The following SF3B1 variants were observed in gnomAD, a reference collection of about 807,000 sequenced individuals.
SF3B1 encodes pre-mRNA processing 10.
SF3B1 carries 12 observed loss-of-function variants against 153.8 expected under a neutral mutation model. The ratio of observed to expected loss-of-function variants is 0.08; its 90% confidence interval spans 0.05 to 0.13. The LOEUF is 0.13. SF3B1 is among the 10% of genes least tolerant of loss of function. The probability of loss-of-function intolerance (pLI) is 1.00; values close to 1 mark genes in which losing one functional copy is unlikely to be tolerated. For synonymous variants in SF3B1, 498 were observed against 525.2 expected (o/e 0.95, Z 0.71); for missense variants, 513 against 1,606.1 (o/e 0.32, Z 11.63).
Position 197,401,357 on chromosome 2 carries a change from T to G in SF3B1, c.2496+43A>C. ...GCATTCAAGTTGACTAAAGAATGAG[T>G]TGAAAGGACTTTTGAGAATATTCTT... On this transcript the variant is annotated intron_variant, in intron 17 of 24. Transcript: ENST00000335508. The surrounding 1 kb of genome is among the most constrained non-coding windows in gnomAD (Gnocchi z 4.2). 6.4e-7 allele frequency: 1 copy of G among 1,553,968 alleles called. No homozygotes were observed. The highest frequency in any genetic ancestry group is 8.7e-7 in the Non-Finnish European group (1 of 1,151,034).
rs16865260 is a variant in SF3B1, at chr2:197,397,864, T to C, written c.3266+121A>G. 1,160 of 605,774 alleles carry C rather than the reference T, an allele frequency of 1.9e-3. 12 individuals carry two copies. Among genetic ancestry groups the C allele is most frequent in the African/African-American group, 0.018 (969 of 52,764 alleles). The allele number at this position is 605,774 out of a possible 1,614,324, so 37.5% of individuals were successfully genotyped here. On this transcript the variant is annotated intron_variant, in intron 22 of 24. Transcript: ENST00000335508. ...GAAGGTCAGTGGTTAAATGAAGAGC[T>C]TTCTCAACTGCATTATTCAGACCAT...
At chr2:197,421,744 C>T (rs986282919) in intron 2 of SF3B1, among the ~76,000 whole-genome samples, 3 of 151,942 alleles carry the variant, frequency 2.0e-5, no homozygotes, top group South Asian at 2.1e-4. Context: ...TTTGGGAGGC[C>T]GAGGCAAGGG....
intron 24 of SF3B1, 102 bp from the exon 25 acceptor site, chr2:197,392,563 G>T: frequency 9.0e-6 from 2 of 221,322 alleles, no homozygotes; most frequent in South Asian, 3.6e-5. Context: ...TATTTCCCTT[G>T]GGGAGTTGGG....
intron 6 of SF3B1, 98 bp downstream of exon 6, chr2:197,416,643 G>C: frequency 9.7e-7 from 1 of 1,026,086 alleles, no homozygotes; most frequent in Non-Finnish European, 1.4e-6. Flanking sequence ...AAGGCACCCA[G>C]TCTGTGGTAT....
intron 12 of SF3B1, 37 bp from the exon 13 acceptor site, chr2:197,403,072 A>G: frequency 1.4e-6 from 2 of 1,379,766 alleles, no homozygotes; most frequent in South Asian, 1.2e-5. Context: ...ACACTTTCAC[A>G]TCAATTACTG....
In SF3B1 at chr2:197,420,556, T is replaced by C. The variant is rs1481559742; in HGVS notation, c.301-14A>G. ...AAATGGATCATACTGAAAAGAGGTA[T>C]GTCTCACTTAATATCCACTTTATTA... is the stretch of plus-strand genomic sequence containing the variant. On this transcript the variant is annotated splice_polypyrimidine_tract_variant and intron_variant, in intron 3 of 24. Transcript: ENST00000335508. 2 of 1,511,750 alleles carry C rather than the reference T, an allele frequency of 1.3e-6. No homozygotes were observed. Among genetic ancestry groups the C allele is most frequent in the East Asian group, 2.3e-5 (1 of 44,098 alleles). 93.6% of individuals were successfully genotyped at this position (1,511,750 alleles called of 1,614,324 possible).
At chr2:197,403,157 G>A (rs367601419) in intron 12 of SF3B1, 122 bp from the exon 13 acceptor site, 12 of 738,518 alleles carry the variant, frequency 1.6e-5, no homozygotes, top group East Asian at 5.4e-5. Flanking sequence ...ATCAAGGGAC[G>A]AACTGTTTAA....
At chr2:197,411,509 T>C (rs2085067321) in intron 6 of SF3B1, among the ~76,000 whole-genome samples, 2 of 151,638 alleles carry the variant, frequency 1.3e-5, no homozygotes, top group Admixed American at 1.3e-4. Flanking sequence ...CCGTCTCTAC[T>C]AATACAAAAA....
chr2:197,427,036 A>G (rs1214257413), intron 1 of SF3B1, among the ~76,000 whole-genome samples: 1 of 152,208 alleles, frequency 6.6e-6, no homozygotes, highest in African/African-American at 2.4e-5. Flanking sequence ...TCTGGAACTA[A>G]TTTCAGCTAC....
chr2:197,421,005 T>G (rs1250574383), intron 3 of SF3B1, 24 bp downstream of exon 3: 1 of 1,445,656 alleles, frequency 6.9e-7, no homozygotes, highest in East Asian at 2.3e-5. Context: ...CTGAATAAAC[T>G]ATGCTTTTAA....
chr2:197,412,178 C>T (rs1054543215), intron 6 of SF3B1, among the ~76,000 whole-genome samples: 6 of 150,570 alleles, frequency 4.0e-5, no homozygotes, highest in Admixed American at 1.3e-4. Context: ...AAATAAAGCA[C>T]ACAAATTGTT....
intron 6 of SF3B1, among the ~76,000 whole-genome samples, chr2:197,412,341 A>AATTT (rs138215794): frequency 0.4 from 58,924 of 145,562 alleles, 12,301 homozygotes; most frequent in South Asian, 0.58. Context: ...TCTCTGATTT[A>AATTT]ATTTATTTAT....
At chr2:197,430,601 G>A (rs181201686) in intron 1 of SF3B1, among the ~76,000 whole-genome samples, 4 of 152,198 alleles carry the variant, frequency 2.6e-5, no homozygotes, top group Admixed American at 6.5e-5. Flanking sequence ...TTACAGGCAC[G>A]CACCACCAAA....
In SF3B1 at chr2:197,416,831, A is replaced by C; in HGVS notation, c.576T>G (p.Pro192=). The C allele has an allele frequency of 6.2e-7, 1 of 1,614,116 alleles. No individual in the cohort carries two copies. Among genetic ancestry groups the C allele is most frequent in the Non-Finnish European group, 8.5e-7 (1 of 1,180,004 alleles). The change falls in exon 6 of 25, where the codon CCT becomes CCG. Residue 192 remains proline, a synonymous_variant. Transcript: ENST00000335508. ...CCCAACGCCGTTTTCGTTTTGATGG[A>C]GGCTGGGACGCTGCTGCTCCATTGA... ...KVVNGAAASQ[P]PSKRKRRWDQ...
intron 9 of SF3B1, 67 bp from the exon 10 acceptor site, chr2:197,405,539 G>A (rs2084980542): frequency 9.0e-7 from 1 of 1,113,142 alleles, no homozygotes; most frequent in Non-Finnish European, 1.3e-6. Flanking sequence ...AACAATATTT[G>A]CACTTAAAAT....
chr2:197,427,522 T>C lies in SF3B1; in HGVS notation c.29-3548A>G, dbSNP rs527362792. Among the ~76,000 whole-genome samples, 5 of 152,124 alleles carry C rather than the reference T, an allele frequency of 3.3e-5. No individual in the cohort carries two copies. The South Asian group carries it at 1.0e-3, about 31-fold the overall frequency. On this transcript the variant is annotated intron_variant, in intron 1 of 24. Coordinates refer to ENST00000335508, the MANE Select transcript of SF3B1 (RefSeq NM_012433.4). Reference sequence around the variant, plus strand: ...AAACTATGTGCTAAAATACCAAATATAACATACCCAAATATTTATGAGCAA... The same window carrying C: ...AAACTATGTGCTAAAATACCAAATACAACATACCCAAATATTTATGAGCAA...
chr2:197,428,018 A>AAATTAATTAATT (rs113443979), intron 1 of SF3B1, among the ~76,000 whole-genome samples: 97 of 151,482 alleles, frequency 6.4e-4, no homozygotes, highest in African/African-American at 1.9e-3. Flanking sequence ...ACTCCGTCTC[A>AAATTAATTAATT]AATTAATTAA....
rs941944240 is a variant in SF3B1 at position 197,403,741 on chromosome 2, A to G, written c.1563T>C (p.Asp521=). The G allele has an allele frequency of 1.9e-6, 3 of 1,592,612 alleles. No homozygotes were observed. Among genetic ancestry groups the G allele is most frequent in the Non-Finnish European group, 2.6e-6 (3 of 1,173,318 alleles). The change falls in exon 12 of 25, where the codon GAT becomes GAC. Residue 521 remains aspartate, a synonymous_variant. Coordinates refer to ENST00000335508, the MANE Select transcript of SF3B1 (RefSeq NM_012433.4). ...MRKAALRQIT[D]KAREFGAGPL... is the part of the protein sequence containing the mutation. ...GACCAGCTCCAAATTCACGAGCTTT[A>G]TCAGTAATCTGACGCAATGCAGCCT...
intron 4 of SF3B1, 59 bp downstream of exon 4, chr2:197,420,369 A>G (rs773674464): frequency 2.3e-6 from 3 of 1,328,058 alleles, no homozygotes; most frequent in South Asian, 2.4e-5. Flanking sequence ...TCAAAGGGCT[A>G]AAGACAACTT....
Sources: gnomAD v4.1 joint callset for allele counts (sites outside exome capture counted in the v4.1 genomes callset) on GRCh38, gnomAD v4.1.1 for gene constraint, Gnocchi (gnomAD v3.1) non-coding constraint, MANE v1.5 for transcripts, NCBI Gene and HGNC (gene_info 2026-07-23, HGNC 2026-07-21) for gene names.